The following NINL variants were observed in gnomAD, a reference collection of about 807,000 sequenced individuals.
NINL encodes ninein like.
In NINL, 153 loss-of-function variants were observed where a neutral mutation model predicts 160.3. The ratio of observed to expected loss-of-function variants is 0.95; its 90% CI spans 0.84 to 1.09. NINL has a LOEUF of 1.09. Among genes scored for constraint, NINL ranks in the 50% least tolerant of loss-of-function variants. NINL has a pLI of 0.00. For synonymous variants in NINL, 800 were observed against 734.8 expected (o/e 1.09, Z -1.43); for missense variants, 1,829 against 1,764.0 (o/e 1.04, Z -0.66).
intron 11 of NINL, among the ~76,000 whole-genome samples, 174 bp from the exon 12 acceptor site, chr20:25,490,159 C>A (rs2063595028): frequency 6.6e-6 from 1 of 152,220 alleles, no homozygotes; most frequent in African/African-American, 2.4e-5. Flanking sequence ...TGTCCCCCAC[C>A]CTCCCAGGAC....
At chr20:25,467,595 C>T (rs1285589202) in intron 18 of NINL, 137 bp from the exon 19 acceptor site, 1 of 700,148 alleles carries the variant, frequency 1.4e-6, no homozygotes, top group Non-Finnish European at 2.6e-6. Context: ...CTGGCATTCT[C>T]CAGCCCCTCT....
intron 1 of NINL, among the ~76,000 whole-genome samples, chr20:25,527,728 T>C (rs536574681): frequency 1.2e-4 from 18 of 152,318 alleles, no homozygotes; most frequent in African/African-American, 4.3e-4. Flanking sequence ...CTAAAAATCC[T>C]GGATGCCTCT....
chr20:25,508,701 G>A (rs1247847126), intron 5 of NINL, among the ~76,000 whole-genome samples: 2 of 152,222 alleles, frequency 1.3e-5, no homozygotes, highest in Non-Finnish European at 2.9e-5. Context: ...AGGGCTCTCG[G>A]CATTCAGCCG....
At chr20:25,569,430 G>A (rs2065030823) in intron 1 of NINL, among the ~76,000 whole-genome samples, 1 of 152,156 alleles carries the variant, frequency 6.6e-6, no homozygotes, top group Non-Finnish European at 1.5e-5. Context: ...GAGCGTCTGT[G>A]ATAATGCTTC....
At chr20:25,560,204 C>G (rs907084444) in intron 1 of NINL, among the ~76,000 whole-genome samples, 1 of 152,230 alleles carries the variant, frequency 6.6e-6, no homozygotes, top group Non-Finnish European at 1.5e-5. Context: ...TCACCTTAGC[C>G]TCCCAAAGTG....
At chr20:25,519,369 T>C (rs990190789) in intron 2 of NINL, among the ~76,000 whole-genome samples, 1 of 152,208 alleles carries the variant, frequency 6.6e-6, no homozygotes, top group African/African-American at 2.4e-5. Context: ...AATTATCCCA[T>C]AGTTATTCTG....
At chr20:25,489,168 G>A (rs1187800000) in intron 13 of NINL, 76 bp downstream of exon 13, 8 of 1,365,258 alleles carry the variant, frequency 5.9e-6, no homozygotes, top group Admixed American at 5.0e-5. Flanking sequence ...ACACTCCTGC[G>A]TTACTGTGGA....
At chr20:25,497,689 C>A (rs937858111) in intron 9 of NINL, among the ~76,000 whole-genome samples, 1 of 152,220 alleles carries the variant, frequency 6.6e-6, no homozygotes, top group African/African-American at 2.4e-5. Flanking sequence ...TTTGTGACCA[C>A]GTTTGAAAAG....
intron 1 of NINL, among the ~76,000 whole-genome samples, chr20:25,575,592 A>G (rs1194051539): frequency 6.6e-6 from 1 of 152,088 alleles, no homozygotes; most frequent in Non-Finnish European, 1.5e-5. Context: ...CTCTACTAAA[A>G]AGTAAAAAAT....
chr20:25,495,479 C>T (rs1041028063), intron 10 of NINL, among the ~76,000 whole-genome samples: 14 of 152,170 alleles, frequency 9.2e-5, no homozygotes, highest in Non-Finnish European at 1.5e-4. Flanking sequence ...GAGGGTGGGC[C>T]GACCTGCAGA....
intron 14 of NINL, 194 bp downstream of exon 14, chr20:25,481,774 G>T: frequency 1.3e-6 from 1 of 761,034 alleles, no homozygotes; most frequent in Non-Finnish European, 2.1e-6. Context: ...CCCTCTGCAG[G>T]TGACCTTCCG....
At chr20:25,568,020 T>A (rs1188265781) in intron 1 of NINL, among the ~76,000 whole-genome samples, 1 of 150,252 alleles carries the variant, frequency 6.7e-6, no homozygotes, top group African/African-American at 2.5e-5. Context: ...CTCAAGTAAC[T>A]AGAAAAAAAG....
intron 19 of NINL, 101 bp from the exon 20 acceptor site, chr20:25,462,642 A>T (rs200513281): frequency 1.2e-6 from 1 of 837,984 alleles, no homozygotes; most frequent in Non-Finnish European, 1.8e-6. Flanking sequence ...TTAAGTAGTC[A>T]TTTGTTTTGT....
At chr20:25,457,635 C>G (rs377078468) in intron 22 of NINL, among the ~76,000 whole-genome samples, 1 of 152,238 alleles carries the variant, frequency 6.6e-6, no homozygotes, top group African/African-American at 2.4e-5. Context: ...CTTTTCAAGT[C>G]GTGCGCCAAT....
chr20:25,477,030 C>A lies in NINL; in HGVS notation c.2261G>T (p.Arg754Leu), dbSNP rs1226207687. 3.1e-6 allele frequency: 5 copies of A among 1,599,506 alleles called. No homozygotes were observed. In the South Asian group the frequency reaches 4.4e-5, roughly 14 times the overall value. The change falls in exon 17 of 24, where the codon CGC becomes CTC. Residue 754 changes from arginine (R) to leucine (L), a missense_variant. By Grantham distance (102) the Arg-to-Leu change is moderately radical. Transcript: ENST00000278886. ...CTCCAGCTCCAAGGTCAGGTCTCTG[C>A]GAGCGGGCAGGGCTCCCAGCCCCGA... Reference protein sequence around the residue: ...ELSGLGALPARRDLTLELEEP... With the variant: ...ELSGLGALPALRDLTLELEEP...
At chr20:25,521,779 G>A (rs756296378) in intron 2 of NINL, among the ~76,000 whole-genome samples, 4 of 152,152 alleles carry the variant, frequency 2.6e-5, no homozygotes, top group Admixed American at 1.3e-4. Context: ...GAATGACTCC[G>A]GGTTTTGACA....
chr20:25,578,492 C>G (rs2065140210), intron 1 of NINL, among the ~76,000 whole-genome samples: 1 of 152,066 alleles, frequency 6.6e-6, no homozygotes, highest in Non-Finnish European at 1.5e-5. Context: ...AATACTCTTG[C>G]TTAAAAATGG....
chr20:25,509,137 T>G (rs2064019055), intron 5 of NINL, among the ~76,000 whole-genome samples: 1 of 152,104 alleles, frequency 6.6e-6, no homozygotes, highest in Non-Finnish European at 1.5e-5. Flanking sequence ...AGTGAGGAAA[T>G]CCCAGCCCTG....
At chr20:25,475,509 A>G (rs970257724) in intron 17 of NINL, among the ~76,000 whole-genome samples, 6 of 152,190 alleles carry the variant, frequency 3.9e-5, no homozygotes, top group African/African-American at 1.4e-4. Flanking sequence ...TAAAATCCTC[A>G]ACAAAATACT....
Sources: allele counts gnomAD v4.1 joint callset (sites outside exome capture counted in the v4.1 genomes callset), GRCh38; gene constraint gnomAD v4.1.1; transcripts MANE v1.5; gene names NCBI Gene and HGNC (gene_info 2026-07-23, HGNC 2026-07-21).